Variants in SUV39H2 observed in about 807,000 individuals in gnomAD.
SUV39H2 encodes the protein histone-lysine N-methyltransferase SUV39H2.
Under a neutral mutation model 47.5 loss-of-function variants are expected in SUV39H2, and 10 were observed. The observed-to-expected ratio is 0.21, with a 90% CI of 0.13 to 0.36. The LOEUF (loss-of-function observed/expected upper bound fraction) is 0.36, where lower values mean the gene tolerates loss of function less well. Ranked by LOEUF, SUV39H2 falls within the 10% of genes least tolerant of loss-of-function variation. The probability of loss-of-function intolerance (pLI) is 1.00; values close to 1 mark genes in which losing one functional copy is unlikely to be tolerated. For missense variants in SUV39H2, 266 were observed against 487.4 expected (o/e 0.55, Z 4.28); for synonymous variants, 159 against 166.8 (o/e 0.95, Z 0.36).
At chr10:14,884,947 G>A (rs1193821803) in intron 2 of SUV39H2, among the ~76,000 whole-genome samples, 2 of 152,202 alleles carry the variant, frequency 1.3e-5, no homozygotes, top group Non-Finnish European at 2.9e-5. Flanking sequence ...ACAAAGGCCA[G>A]CGTGGTAATT....
At chr10:14,883,704 C>CA (rs58522342) in intron 2 of SUV39H2, among the ~76,000 whole-genome samples, 2,488 of 49,754 alleles carry the variant, frequency 0.05, 232 homozygotes, top group African/African-American at 0.06. Flanking sequence ...GACTCAGTCT[C>CA]AAAAAAAAAA....
At chr10:14,900,982 T>C in intron 4 of SUV39H2, 151 bp from the exon 5 acceptor site, 1 of 910,864 alleles carries the variant, frequency 1.1e-6, no homozygotes, top group Non-Finnish European at 1.6e-6. Flanking sequence ...TCTTTTTAAA[T>C]GTGCATGCCT....
chr10:14,883,533 C>T (rs953673595), intron 2 of SUV39H2, among the ~76,000 whole-genome samples: 2 of 151,384 alleles, frequency 1.3e-5, no homozygotes, highest in African/African-American at 2.4e-5. Flanking sequence ...AGTGAAACCC[C>T]GTCTCTACTA....
intron 2 of SUV39H2, among the ~76,000 whole-genome samples, chr10:14,896,202 C>T (rs1173932148): frequency 1.3e-5 from 2 of 152,170 alleles, no homozygotes; most frequent in Non-Finnish European, 2.9e-5. Flanking sequence ...CTTGGCCTCC[C>T]AAAATGCTGG....
At chr10:14,883,580 C>T (rs1428832314) in intron 2 of SUV39H2, among the ~76,000 whole-genome samples, 1 of 151,692 alleles carries the variant, frequency 6.6e-6, no homozygotes, top group Non-Finnish European at 1.5e-5. Flanking sequence ...TGGCGGGCCC[C>T]TGTAATCCCA....
rs1411624149 is a variant in SUV39H2 at position 14,903,762 on chromosome 10, T to C, written c.*1250T>C. ...CTAATTGTGTTGTGAAAATGATAAA[T>C]GCAGCAAATCTAGCTTTCAGTATTC... On this transcript the variant is annotated 3_prime_UTR_variant, in exon 6 of 6. Transcript: ENST00000354919. The C allele has an allele frequency of 6.6e-6, 1 of 152,206 alleles. No individual in the cohort carries two copies. Among genetic ancestry groups the C allele is most frequent in the African/African-American group, 2.4e-5 (1 of 41,440 alleles). The allele number at this position is 152,206 out of a possible 1,614,324, so 9.4% of individuals were successfully genotyped here. A position where few individuals can be genotyped will look rare whatever the true frequency, so the allele number is the denominator to read the frequency against.
At chr10:14,879,156 C>A (rs957062616) in intron 1 of SUV39H2, 1 of 1,210,498 alleles carries the variant, frequency 8.3e-7, no homozygotes, top group East Asian at 3.4e-5. Context: ...TGGGGCACTT[C>A]GGAAGTGGAG....
At position 14,887,593 on chromosome 10, in the gene SUV39H2, AAGAT is replaced by A. The variant is rs926441948; in HGVS notation, c.177+5952_177+5955del. On this transcript the variant is annotated intron_variant, in intron 2 of 5. Coordinates refer to ENST00000354919, the MANE Select transcript of SUV39H2 (RefSeq NM_001193424.2). ...CATAGATCCTAAAGTAATTGGCAAA[AAGAT>A]AGAGAGGGAAGCCTTGGGAGTGGAT... Among the ~76,000 whole-genome samples the A allele has an allele frequency of 7.4e-4, 112 of 152,268 alleles. 1 individual carries two copies. Among genetic ancestry groups the A allele is most frequent in the Non-Finnish European group, 7.4e-5 (5 of 68,008 alleles).
In SUV39H2 at chr10:14,903,396, T is replaced by C. The variant is rs1257913734; in HGVS notation, c.*884T>C. The C allele has an allele frequency of 6.6e-6, 1 of 152,240 alleles. No individual in the cohort carries two copies. Among genetic ancestry groups the C allele is most frequent in the East Asian group, 1.9e-4 (1 of 5,196 alleles). 9.4% of individuals were successfully genotyped at this position (152,240 alleles called of 1,614,324 possible). ...TAAAACAAGCTGCCTGGAGAGCAGCTGTACCTAACAATACTGTAATGTACA... is the reference window on the plus strand; with the variant it reads ...TAAAACAAGCTGCCTGGAGAGCAGCCGTACCTAACAATACTGTAATGTACA... On this transcript the variant is annotated 3_prime_UTR_variant, in exon 6 of 6. Transcript: ENST00000354919.
chr10:14,885,410 A>G (rs1053979268), intron 2 of SUV39H2, among the ~76,000 whole-genome samples: 7 of 152,266 alleles, frequency 4.6e-5, no homozygotes, highest in East Asian at 3.9e-4. Flanking sequence ...ATGGGTTATC[A>G]TATTATGTTA....
At chr10:14,883,464 G>T (rs1055153189) in intron 2 of SUV39H2, among the ~76,000 whole-genome samples, 2 of 151,688 alleles carry the variant, frequency 1.3e-5, no homozygotes, top group African/African-American at 4.8e-5. Flanking sequence ...TAGCACTTTG[G>T]GGGGCCAAGG....
chr10:14,896,705 T>C (rs1833632557), intron 2 of SUV39H2, 141 bp from the exon 3 acceptor site: 1 of 608,402 alleles, frequency 1.6e-6, no homozygotes. Context: ...CTTCATGTGT[T>C]AGGAACCTGT....
chr10:14,883,958 C>G (rs556023157), intron 2 of SUV39H2, among the ~76,000 whole-genome samples: 38 of 152,256 alleles, frequency 2.5e-4, no homozygotes, highest in Admixed American at 5.2e-4. Flanking sequence ...TGATTGGCCC[C>G]TTTCACTCAG....
intron 3 of SUV39H2, chr10:14,899,266 G>A (rs1394054577): frequency 1.4e-6 from 1 of 702,026 alleles, no homozygotes; most frequent in African/African-American, 1.7e-5. Flanking sequence ...GATACAGGGA[G>A]TCATGATGGC....
At chr10:14,890,683 C>T (rs1195946352) in intron 2 of SUV39H2, among the ~76,000 whole-genome samples, 1 of 152,212 alleles carries the variant, frequency 6.6e-6, no homozygotes, top group Non-Finnish European at 1.5e-5. Context: ...GTTATTTTAA[C>T]ACTGATATTG....
chr10:14,879,208 C>G (rs573418349), intron 1 of SUV39H2: 262 of 998,022 alleles, frequency 2.6e-4, no homozygotes, highest in Admixed American at 3.3e-4. Context: ...CTCCGCGTCT[C>G]CCGTGGCGGC....
At chr10:14,889,791 A>G (rs1176363166) in intron 2 of SUV39H2, among the ~76,000 whole-genome samples, 1 of 152,208 alleles carries the variant, frequency 6.6e-6, no homozygotes, top group African/African-American at 2.4e-5. Context: ...TTATGAATTC[A>G]TGTGAAGGGT....
At chr10:14,885,312 G>T (rs1369702322) in intron 2 of SUV39H2, among the ~76,000 whole-genome samples, 1 of 152,060 alleles carries the variant, frequency 6.6e-6, no homozygotes, top group South Asian at 2.1e-4. Flanking sequence ...TCCCTATCTT[G>T]GTTAACAGAA....
chr10:14,892,057 A>G lies in SUV39H2; in HGVS notation c.178-4789A>G, dbSNP rs183212643. The stretch of plus-strand genomic sequence containing the variant: ...GTTCATGTGAAAAGGGATGCCAGAC[A>G]GGGTCCTGAGTGTCTCCATCGTGTA... On this transcript the variant is annotated intron_variant, in intron 2 of 5. Transcript: ENST00000354919. Among the ~76,000 whole-genome samples, 126 of 152,328 alleles carry G rather than the reference A, an allele frequency of 8.3e-4. 3 individuals carry two copies. The highest frequency in any genetic ancestry group is 6.8e-4 in the Non-Finnish European group (46 of 68,024).
Sources: gnomAD v4.1 joint callset for allele counts (sites outside exome capture counted in the v4.1 genomes callset) on GRCh38, gnomAD v4.1.1 for gene constraint, MANE v1.5 for transcripts, NCBI Gene and HGNC (gene_info 2026-07-23, HGNC 2026-07-21) for gene names.